Variants in ZNF277 observed in about 807,000 individuals in gnomAD.
ZNF277 encodes nuclear receptor-interacting factor 4.
Under a neutral mutation model 60.7 loss-of-function variants are expected in ZNF277, and 55 were observed. The ratio of observed to expected loss-of-function variants is 0.91; its 90% CI spans 0.73 to 1.13. The LOEUF is 1.13. Among genes scored for constraint, ZNF277 ranks in the 50% most tolerant of loss-of-function variants. The pLI, the probability that ZNF277 is intolerant of heterozygous loss-of-function variation, is 0.00. For synonymous variants in ZNF277, 178 were observed against 179.3 expected (o/e 0.99, Z 0.06); for missense variants, 510 against 523.0 (o/e 0.98, Z 0.24).
At chr7:112,339,025 A>C (rs1347801355) in intron 9 of ZNF277, among the ~76,000 whole-genome samples, 1 of 152,240 alleles carries the variant, frequency 6.6e-6, no homozygotes, top group African/African-American at 2.4e-5. Flanking sequence ...GCATTGTAAA[A>C]ATCAAAAGAA....
At chr7:112,255,208 A>G (rs1791281519) in intron 1 of ZNF277, among the ~76,000 whole-genome samples, 1 of 152,170 alleles carries the variant, frequency 6.6e-6, no homozygotes, top group South Asian at 2.1e-4. Context: ...TTTATGCTTA[A>G]ACACATCAAA....
At chr7:112,246,730 G>A (rs1035960166) in intron 1 of ZNF277, among the ~76,000 whole-genome samples, 13 of 152,204 alleles carry the variant, frequency 8.5e-5, no homozygotes, top group African/African-American at 2.4e-4. Context: ...GTGGAAGCAG[G>A]ACTTTTCTGT....
At chr7:112,330,010 C>T (rs1793187102) in intron 6 of ZNF277, 74 bp from the exon 7 acceptor site, 2 of 1,486,568 alleles carry the variant, frequency 1.3e-6, no homozygotes, top group East Asian at 2.3e-5. Flanking sequence ...AAATATGAAA[C>T]TCAATAATAA....
At chr7:112,245,917 A>G (rs1258271637) in intron 1 of ZNF277, among the ~76,000 whole-genome samples, 2 of 152,160 alleles carry the variant, frequency 1.3e-5, no homozygotes, top group African/African-American at 2.4e-5. Context: ...ATATCTTATA[A>G]TAGCCAATGT....
intron 1 of ZNF277, among the ~76,000 whole-genome samples, chr7:112,249,813 C>T (rs1791162597): frequency 6.6e-6 from 1 of 152,198 alleles, no homozygotes; most frequent in Admixed American, 6.5e-5. Flanking sequence ...CTTGTGATTT[C>T]CTATGCCTGT....
chr7:112,266,313 A>C (rs1303518893), intron 1 of ZNF277, among the ~76,000 whole-genome samples: 1 of 151,894 alleles, frequency 6.6e-6, no homozygotes, highest in Non-Finnish European at 1.5e-5. Context: ...CACCCAGCTG[A>C]TTTTTGTATT....
intron 11 of ZNF277, 116 bp downstream of exon 11, chr7:112,341,162 A>G: frequency 1.0e-6 from 1 of 974,892 alleles, no homozygotes; most frequent in Non-Finnish European, 1.5e-6. Flanking sequence ...TATAAAAAGT[A>G]TACATCAGTA....
At chr7:112,341,841 GTTCTAGTTT>G (rs1384144059) in intron 11 of ZNF277, among the ~76,000 whole-genome samples, 8 of 152,168 alleles carry the variant, frequency 5.3e-5, no homozygotes, top group Non-Finnish European at 1.2e-4. Flanking sequence ...TAACCAGAAA[GTTCTAGTTT>G]TTCTCCTTCA....
rs866692867 is a variant in ZNF277, at chr7:112,246,994, C to T, written c.92-39879C>T. Among the ~76,000 whole-genome samples the T allele has an allele frequency of 3.3e-5, 5 of 152,304 alleles. No individual in the cohort carries two copies. In the East Asian group the frequency reaches 9.6e-4, roughly 29 times the overall value. On this transcript the variant is annotated intron_variant, in intron 1 of 11. Coordinates refer to ENST00000361822, the MANE Select transcript of ZNF277 (RefSeq NM_021994.3). ...TGTATTCATCTCTTGAAACTGCTTG[C>T]TCTTGCCACAAGTACCTACAAATTA...
intron 7 of ZNF277, among the ~76,000 whole-genome samples, chr7:112,333,154 A>T (rs1026959339): frequency 3.4e-5 from 5 of 148,446 alleles, no homozygotes; most frequent in African/African-American, 1.2e-4. Context: ...ACTTTATTTA[A>T]AAAAAAAAAA....
intron 1 of ZNF277, among the ~76,000 whole-genome samples, chr7:112,281,947 C>G (rs1485383587): frequency 6.6e-6 from 1 of 152,184 alleles, no homozygotes; most frequent in Non-Finnish European, 1.5e-5. Context: ...GTTCTCCTGC[C>G]TCAGTCTCCC....
intron 1 of ZNF277, among the ~76,000 whole-genome samples, chr7:112,218,629 C>G (rs1020449377): frequency 2.0e-5 from 3 of 152,176 alleles, no homozygotes; most frequent in African/African-American, 7.2e-5. Flanking sequence ...TTCCCCTCCC[C>G]CTAGCCCCTG....
intron 1 of ZNF277, among the ~76,000 whole-genome samples, chr7:112,250,969 T>C (rs1791189858): frequency 6.6e-6 from 1 of 152,212 alleles, no homozygotes; most frequent in Admixed American, 6.5e-5. Context: ...CTGTTTTCTT[T>C]TTCAACAAAT....
At chr7:112,320,468 G>A (rs887683105) in intron 5 of ZNF277, among the ~76,000 whole-genome samples, 2 of 152,084 alleles carry the variant, frequency 1.3e-5, no homozygotes, top group African/African-American at 4.8e-5. Context: ...TATATTAACA[G>A]TGTTGCAGGC....
intron 1 of ZNF277, among the ~76,000 whole-genome samples, chr7:112,230,127 T>C (rs1020562931): frequency 1.3e-5 from 2 of 152,170 alleles, no homozygotes; most frequent in South Asian, 2.1e-4. Context: ...ATTTGCTGTA[T>C]AGAAACAGCC....
chr7:112,260,280 A>G (rs1486478319), intron 1 of ZNF277, among the ~76,000 whole-genome samples: 1 of 152,200 alleles, frequency 6.6e-6, no homozygotes, highest in African/African-American at 2.4e-5. Flanking sequence ...AACTGCTTCT[A>G]CAGCACCAAA....
chr7:112,339,001 C>T (rs1044867632), intron 9 of ZNF277, among the ~76,000 whole-genome samples: 12 of 151,982 alleles, frequency 7.9e-5, no homozygotes, highest in Non-Finnish European at 1.6e-4. Context: ...CAAACAAACA[C>T]GCAAAAAATA....
intron 1 of ZNF277, among the ~76,000 whole-genome samples, chr7:112,243,792 C>T (rs1791016022): frequency 6.6e-6 from 1 of 151,998 alleles, no homozygotes. Flanking sequence ...ATACAGCAGT[C>T]CCACTACTGG....
At chr7:112,232,042 CATATATATATATATATATATATATATAT>C (rs67934905) in intron 1 of ZNF277, among the ~76,000 whole-genome samples, 5 of 133,260 alleles carry the variant, frequency 3.8e-5, no homozygotes, top group East Asian at 2.1e-4. Flanking sequence ...TAAATAAATA[CATATATATATATATATATATATATATAT>C]ATATATATAT....
Sources: gnomAD v4.1 joint callset for allele counts (sites outside exome capture counted in the v4.1 genomes callset) on GRCh38, gnomAD v4.1.1 for gene constraint, MANE v1.5 for transcripts, NCBI Gene and HGNC (gene_info 2026-07-23, HGNC 2026-07-21) for gene names.